The following HDAC4 variants were observed in gnomAD, a reference collection of about 807,000 sequenced individuals.
HDAC4 encodes histone deacetylase A.
Under a neutral mutation model 135.1 loss-of-function variants are expected in HDAC4, and 16 were observed. The observed-to-expected ratio is 0.12, with a 90% CI of 0.08 to 0.18. The LOEUF (loss-of-function observed/expected upper bound fraction) is 0.18. Among genes scored for constraint, HDAC4 ranks in the 10% least tolerant of loss-of-function variants. The pLI is 1.00. For missense variants in HDAC4, 1,143 were observed against 1,511.8 expected (o/e 0.76, Z 4.05); for synonymous variants, 685 against 653.4 (o/e 1.05, Z -0.74).
chr2:239,147,151 AG>A (rs2041820711), intron 7 of HDAC4, among the ~76,000 whole-genome samples: 1 of 152,218 alleles, frequency 6.6e-6, no homozygotes, highest in Admixed American at 6.5e-5. Context: ...CACGTGGACC[AG>A]GAGAGAAGGG....
chr2:239,095,172 G>A lies in HDAC4; in HGVS notation c.2234-116C>T, dbSNP rs1329673881. The A allele has an allele frequency of 6.6e-6, 7 of 1,065,870 alleles. No individual in the cohort carries two copies. The Admixed American group carries it at 8.8e-5, about 13-fold the overall frequency. 66.0% of individuals were successfully genotyped at this position (1,065,870 alleles called of 1,614,324 possible). A position where few individuals can be genotyped will look rare whatever the true frequency, so the allele number is the denominator to read the frequency against. ...CACTTGGGCATTTGTGGGACAACGA[G>A]GGGCCACTGCTCCCCCTTGTGACAC... On this transcript the variant is annotated intron_variant, in intron 16 of 26. Transcript: ENST00000543185.
intron 2 of HDAC4, among the ~76,000 whole-genome samples, chr2:239,314,606 A>G (rs1054098809): frequency 2.6e-5 from 4 of 152,244 alleles, no homozygotes; most frequent in African/African-American, 9.6e-5. Context: ...CAAAACTGTC[A>G]TCATTAAAAT....
rs1210366348 is a variant in HDAC4, at chr2:239,052,864, G to A, written c.*233C>T. On this transcript the variant is annotated 3_prime_UTR_variant, in exon 27 of 27. Coordinates refer to ENST00000543185, the MANE Select transcript of HDAC4 (RefSeq NM_001378414.1). ...CCGCGTGTCCGTGTGTCTGCGCGTCGCCGGCGTCTGTCCCGTGTTCCCTGT... is the reference window on the plus strand; with the variant it reads ...CCGCGTGTCCGTGTGTCTGCGCGTCACCGGCGTCTGTCCCGTGTTCCCTGT... 9 of 579,736 alleles carry A rather than the reference G, an allele frequency of 1.6e-5. No individual in the cohort carries two copies. Among genetic ancestry groups the A allele is most frequent in the Admixed American group, 2.9e-5 (1 of 33,926 alleles). 35.9% of individuals were successfully genotyped at this position (579,736 alleles called of 1,614,324 possible).
At chr2:239,361,604 A>G (rs937075599) in intron 1 of HDAC4, among the ~76,000 whole-genome samples, 2 of 152,222 alleles carry the variant, frequency 1.3e-5, no homozygotes, top group East Asian at 3.8e-4. Flanking sequence ...CTGAAAACTA[A>G]ATGGAACCCC....
At chr2:239,257,451 C>T (rs1003360918) in intron 2 of HDAC4, among the ~76,000 whole-genome samples, 1 of 152,080 alleles carries the variant, frequency 6.6e-6, no homozygotes, top group Non-Finnish European at 1.5e-5. Flanking sequence ...CAGAGCCCCA[C>T]CCCCAGCCAT....
chr2:239,102,899 G>A lies in HDAC4; in HGVS notation c.2113-3C>T, dbSNP rs767051307. ...GTGGCCTTGCGTCCGCGGATGCACTGTGGGGACAGGCGAGAGGACACTCAC... is the reference window on the plus strand; with the variant it reads ...GTGGCCTTGCGTCCGCGGATGCACTATGGGGACAGGCGAGAGGACACTCAC... On this transcript the variant is annotated splice_region_variant and splice_polypyrimidine_tract_variant and intron_variant, in intron 15 of 26. Transcript: ENST00000543185. 6.2e-7 allele frequency: 1 copy of A among 1,613,830 alleles called. No individual in the cohort carries two copies. Among genetic ancestry groups the A allele is most frequent in the South Asian group, 1.1e-5 (1 of 91,086 alleles).
chr2:239,328,761 C>T (rs7594398), intron 2 of HDAC4, among the ~76,000 whole-genome samples: 20,572 of 152,174 alleles, frequency 0.14, 2,051 homozygotes, highest in East Asian at 0.41. Flanking sequence ...CTCGGGCGCC[C>T]GCTGGCCCTC....
chr2:239,055,553 C>T (rs961360541), intron 24 of HDAC4, among the ~76,000 whole-genome samples: 3 of 152,018 alleles, frequency 2.0e-5, no homozygotes, highest in Non-Finnish European at 2.9e-5. Flanking sequence ...TCTGTCTCTA[C>T]TAAAAATACA....
intron 8 of HDAC4, 122 bp downstream of exon 8, chr2:239,144,461 C>G: frequency 7.6e-7 from 1 of 1,308,174 alleles, no homozygotes; most frequent in East Asian, 2.3e-5. Flanking sequence ...CAGGACCACA[C>G]TGGGGGTTGA....
At chr2:239,277,870 C>T (rs966459476) in intron 2 of HDAC4, among the ~76,000 whole-genome samples, 6 of 151,308 alleles carry the variant, frequency 4.0e-5, no homozygotes, top group Non-Finnish European at 5.9e-5. Context: ...ACTGAGAATA[C>T]TCTCCGCTCA....
At chr2:239,328,233 C>A (rs1435863900) in intron 2 of HDAC4, among the ~76,000 whole-genome samples, 2 of 152,224 alleles carry the variant, frequency 1.3e-5, no homozygotes, top group African/African-American at 2.4e-5. Context: ...CCCGGTAACC[C>A]AGGACTGTGG....
intron 6 of HDAC4, among the ~76,000 whole-genome samples, chr2:239,162,518 C>A (rs575124183): frequency 1.3e-5 from 2 of 152,214 alleles, no homozygotes; most frequent in African/African-American, 2.4e-5. Context: ...TCTGGGGGCA[C>A]AGATCGGGGT....
intron 16 of HDAC4, among the ~76,000 whole-genome samples, chr2:239,102,048 A>G (rs56288130): frequency 3.5e-5 from 3 of 85,572 alleles, no homozygotes; most frequent in African/African-American, 4.1e-5. Flanking sequence ...TGTGCCCTGG[A>G]AGCCCCCGGC....
chr2:239,278,031 C>T (rs1234756220), intron 2 of HDAC4, among the ~76,000 whole-genome samples: 5 of 151,942 alleles, frequency 3.3e-5, no homozygotes, highest in African/African-American at 1.2e-4. Context: ...CAACACACTC[C>T]AGCCACACGC....
intron 3 of HDAC4, among the ~76,000 whole-genome samples, chr2:239,190,328 C>T (rs1055621439): frequency 1.3e-5 from 2 of 152,186 alleles, no homozygotes; most frequent in African/African-American, 4.8e-5. Context: ...GGCCAGGACG[C>T]ACTCCACAAT....
intron 13 of HDAC4, among the ~76,000 whole-genome samples, chr2:239,113,685 A>G (rs1014989728): frequency 6.6e-6 from 1 of 152,210 alleles, no homozygotes; most frequent in African/African-American, 2.4e-5. Flanking sequence ...TATCAGCCTA[A>G]TAATAGCACA....
intron 24 of HDAC4, among the ~76,000 whole-genome samples, chr2:239,060,178 A>G (rs953617679): frequency 2.0e-5 from 3 of 152,180 alleles, no homozygotes; most frequent in African/African-American, 7.2e-5. Flanking sequence ...ATGGGACTCC[A>G]TCCACTGGGG....
chr2:239,157,025 C>T (rs776826902), intron 6 of HDAC4, among the ~76,000 whole-genome samples: 4 of 152,226 alleles, frequency 2.6e-5, no homozygotes, highest in Non-Finnish European at 5.9e-5. Context: ...GGCAGCACCT[C>T]TGGCCGTTTT....
chr2:239,242,134 G>T (rs764663744), intron 2 of HDAC4, among the ~76,000 whole-genome samples: 33 of 149,480 alleles, frequency 2.2e-4, no homozygotes, highest in Non-Finnish European at 3.0e-4. Context: ...GAAGGAGAAA[G>T]AGAAAGAAAG....
Sources: allele counts gnomAD v4.1 joint callset (sites outside exome capture counted in the v4.1 genomes callset), GRCh38; gene constraint gnomAD v4.1.1; transcripts MANE v1.5; gene names NCBI Gene and HGNC (gene_info 2026-07-23, HGNC 2026-07-21).